The following VPS13B variants were observed in gnomAD, a reference collection of about 807,000 sequenced individuals.
VPS13B encodes intermembrane lipid transfer protein VPS13B.
A neutral mutation model predicts 426.4 loss-of-function variants in VPS13B; 285 were observed. That is an observed-to-expected ratio of 0.67 (90% CI 0.61 to 0.74). The LOEUF (loss-of-function observed/expected upper bound fraction) is 0.74. Ranked by LOEUF, VPS13B falls within the 30% of genes least tolerant of loss-of-function variation. The pLI, the probability that VPS13B is intolerant of heterozygous loss-of-function variation, is 0.00. For missense variants in VPS13B, 4,537 were observed against 4,782.6 expected, an observed-to-expected ratio of 0.95 and a Z score of 1.51; for synonymous variants, 1,676 against 1,676.4, an observed-to-expected ratio of 1.00 and a Z score of 0.01.
At chr8:99,075,255 A>C (rs1291317129) in intron 3 of VPS13B, among the ~76,000 whole-genome samples, 1 of 152,192 alleles carries the variant, frequency 6.6e-6, no homozygotes, top group East Asian at 1.9e-4. Flanking sequence ...ACAGTTCTGC[A>C]GGCTGTATAG....
At chr8:99,875,138 A>T (rs1044949513) in intron 61 of VPS13B, 4 of 466,962 alleles carry the variant, frequency 8.6e-6, no homozygotes, top group Non-Finnish European at 1.2e-5. Context: ...GTAGAATGTT[A>T]TCAAATCGTC....
At chr8:99,321,396 C>T (rs1035912509) in intron 19 of VPS13B, among the ~76,000 whole-genome samples, 8 of 151,698 alleles carry the variant, frequency 5.3e-5, no homozygotes, top group African/African-American at 1.2e-4. Flanking sequence ...TTTGTAGAGA[C>T]GGGGTTTCAC....
chr8:99,754,658 T>C lies in VPS13B; in HGVS notation c.7051-12116T>C, dbSNP rs570405632. 1.1e-4 allele frequency among the ~76,000 whole-genome samples: 16 copies of C among 152,336 alleles called. No individual in the cohort carries two copies. The South Asian group carries it at 3.3e-3, about 32-fold the overall frequency. ...TACTTACTCTCCTCCAGCCATCAGT[T>C]TAAAACTCTTTCACCTATGTACTTG... On this transcript the variant is annotated intron_variant, in intron 39 of 61. Coordinates refer to ENST00000357162, the MANE Select transcript of VPS13B (RefSeq NM_152564.5).
In VPS13B at chr8:99,038,525, A is replaced by G. The variant is rs1842839907; in HGVS notation, c.250A>G (p.Asn84Asp). The G allele has an allele frequency of 6.2e-7, 1 of 1,612,956 alleles. No homozygotes were observed. The highest frequency in any genetic ancestry group is 8.5e-7 in the Non-Finnish European group (1 of 1,179,348). The stretch of plus-strand genomic sequence containing the variant: ...TTCAGAACCAGTGGTAATTACCATC[A>G]ATACTATGGAATGCATTTTGAAACT... ...LGSEPVVITI[N>D]TMECILKLKD... Residue 84 changes from asparagine (N) to aspartate (D), a missense_variant, in exon 3 of 62, where the codon AAT (asparagine) becomes GAT (aspartate). Physicochemically the swap from Asn to Asp is conservative, Grantham distance 23. Coordinates refer to ENST00000357162, the MANE Select transcript of VPS13B (RefSeq NM_152564.5).
intron 30 of VPS13B, among the ~76,000 whole-genome samples, chr8:99,553,293 A>C (rs1824380080): frequency 6.6e-6 from 1 of 152,124 alleles, no homozygotes; most frequent in African/African-American, 2.4e-5. Flanking sequence ...TAGATTTGTT[A>C]AAGCAATTTG....
rs189633966 is a variant in VPS13B at position 99,134,269 on chromosome 8, G to A, written c.1207-363G>A. 1.4e-4 allele frequency among the ~76,000 whole-genome samples: 21 copies of A among 152,180 alleles called. 2 individuals carry two copies. The highest frequency in any genetic ancestry group is 5.1e-4 in the African/African-American group (21 of 41,540). ...TTGGAAATGACTGAAACTACACGTT[G>A]TTGAATGTTTTGTTGAATATAAAAT... On this transcript the variant is annotated intron_variant, in intron 8 of 61. Transcript: ENST00000357162.
intron 19 of VPS13B, among the ~76,000 whole-genome samples, chr8:99,372,481 A>G (rs572199985): frequency 2.0e-5 from 3 of 152,254 alleles, no homozygotes; most frequent in Middle Eastern, 3.4e-3. Context: ...AAAACAAATA[A>G]CCCCATCAAA....
chr8:99,524,751 C>A (rs1267347782), intron 30 of VPS13B, among the ~76,000 whole-genome samples: 1 of 152,114 alleles, frequency 6.6e-6, no homozygotes, highest in Non-Finnish European at 1.5e-5. Flanking sequence ...TGTGGTTATA[C>A]CCCCACGCTC....
chr8:99,854,937 G>A (rs539744568), intron 56 of VPS13B, among the ~76,000 whole-genome samples: 2 of 152,304 alleles, frequency 1.3e-5, no homozygotes, highest in South Asian at 4.1e-4. Context: ...GGGCCAGGCA[G>A]GTGGCCTCTT....
At chr8:99,110,860 C>G (rs1237826541) in intron 5 of VPS13B, among the ~76,000 whole-genome samples, 1 of 151,770 alleles carries the variant, frequency 6.6e-6, no homozygotes, top group Non-Finnish European at 1.5e-5. Flanking sequence ...AATTAGGTCT[C>G]TGATTCTTCA....
chr8:99,576,016 C>T (rs747107467), intron 32 of VPS13B, among the ~76,000 whole-genome samples: 13 of 152,070 alleles, frequency 8.5e-5, no homozygotes, highest in Non-Finnish European at 1.3e-4. Context: ...TCCTCATATC[C>T]GTATTTTGTA....
chr8:99,541,033 G>A (rs1823588239), intron 30 of VPS13B, among the ~76,000 whole-genome samples: 2 of 151,984 alleles, frequency 1.3e-5, no homozygotes, highest in East Asian at 1.9e-4. Context: ...TTTATATGTT[G>A]CCTCAATTCT....
At chr8:99,476,018 A>G (rs1819671200) in intron 24 of VPS13B, among the ~76,000 whole-genome samples, 1 of 152,358 alleles carries the variant, frequency 6.6e-6, no homozygotes, top group South Asian at 2.1e-4. Context: ...TGTAACCAAC[A>G]TTGATCACAA....
intron 16 of VPS13B, among the ~76,000 whole-genome samples, chr8:99,182,661 G>C (rs575261627): frequency 4.6e-4 from 70 of 152,264 alleles, no homozygotes; most frequent in African/African-American, 1.7e-3. Flanking sequence ...GGCTTATTCA[G>C]AGTAATGGTA....
intron 16 of VPS13B, among the ~76,000 whole-genome samples, chr8:99,192,224 A>G (rs1813639714): frequency 1.3e-5 from 2 of 152,206 alleles, no homozygotes; most frequent in South Asian, 4.1e-4. Flanking sequence ...GGGATCAACA[A>G]ATTAGATATT....
rs150704453 is a variant in VPS13B, at chr8:99,281,317, G to C, written c.2824+6063G>C. Among the ~76,000 whole-genome samples the C allele has an allele frequency of 6.2e-3, 951 of 152,296 alleles. 8 individuals are homozygous for C. Among genetic ancestry groups the C allele is most frequent in the African/African-American group, 0.021 (893 of 41,560 alleles). ...CGGACTAGTACAGGTCCATGGCCCA[G>C]GGGTTGGGGACCGCTGATCGATAGG... On this transcript the variant is annotated intron_variant, in intron 19 of 61. Transcript: ENST00000357162.
At chr8:99,739,088 G>A (rs909570277) in intron 39 of VPS13B, among the ~76,000 whole-genome samples, 2 of 152,212 alleles carry the variant, frequency 1.3e-5, no homozygotes, top group African/African-American at 4.8e-5. Context: ...AGAAAGGGGT[G>A]ACAGACGGCA....
At chr8:99,661,648 T>C (rs540976324) in intron 35 of VPS13B, among the ~76,000 whole-genome samples, 157 bp downstream of exon 35, 138 of 152,172 alleles carry the variant, frequency 9.1e-4, no homozygotes, top group Non-Finnish European at 1.5e-3. Context: ...ATTTTAGAGA[T>C]CAAAAGGCAA....
chr8:99,307,224 T>C (rs561395214), intron 19 of VPS13B, among the ~76,000 whole-genome samples: 1 of 152,202 alleles, frequency 6.6e-6, no homozygotes, highest in East Asian at 1.9e-4. Context: ...TCTCTGTATG[T>C]TTGTATATAT....
Sources: allele counts gnomAD v4.1 joint callset (sites outside exome capture counted in the v4.1 genomes callset), GRCh38; gene constraint gnomAD v4.1.1; transcripts MANE v1.5; gene names NCBI Gene and HGNC (gene_info 2026-07-23, HGNC 2026-07-21).